Variants in GLI3 observed in about 807,000 individuals in gnomAD.
The protein encoded by GLI3 is GLI family zinc finger 3.
In GLI3, 20 loss-of-function variants were observed where a neutral mutation model predicts 100.8. The ratio of observed to expected loss-of-function variants is 0.20; its 90% CI spans 0.14 to 0.29. The LOEUF (loss-of-function observed/expected upper bound fraction) is 0.29. Among genes scored for constraint, GLI3 ranks in the 10% least tolerant of loss-of-function variants. The pLI is 1.00. For synonymous variants in GLI3, 938 were observed against 860.5 expected, an observed-to-expected ratio of 1.09 and a Z score of -1.58; for missense variants, 2,040 against 2,128.5, an observed-to-expected ratio of 0.96 and a Z score of 0.82.
At chr7:42,021,701 C>T (rs1788947763) in intron 10 of GLI3, among the ~76,000 whole-genome samples, 1 of 152,190 alleles carries the variant, frequency 6.6e-6, no homozygotes, top group South Asian at 2.1e-4. Context: ...TCCAACATTC[C>T]TTGCAAACTA....
chr7:41,998,999 T>C (rs936478872), intron 10 of GLI3, among the ~76,000 whole-genome samples: 1 of 152,158 alleles, frequency 6.6e-6, no homozygotes, highest in African/African-American at 2.4e-5. Flanking sequence ...GTGTCCAGGG[T>C]TTTCCACATT....
At chr7:42,079,335 A>G (rs1218510646) in intron 3 of GLI3, among the ~76,000 whole-genome samples, 1 of 152,204 alleles carries the variant, frequency 6.6e-6, no homozygotes, top group Non-Finnish European at 1.5e-5. Flanking sequence ...CAAAAAATTA[A>G]GTGGGGTCAT....
chr7:42,222,787 A>G (rs1345988456), intron 2 of GLI3: 3 of 312,250 alleles, frequency 9.6e-6, no homozygotes, highest in Non-Finnish European at 1.9e-5. Flanking sequence ...AATTATTCCG[A>G]GTAGTGTAGA....
intron 10 of GLI3, among the ~76,000 whole-genome samples, chr7:42,000,112 A>G (rs1788244721): frequency 6.6e-6 from 1 of 152,234 alleles, no homozygotes; most frequent in Non-Finnish European, 1.5e-5. Flanking sequence ...ACACACAGGA[A>G]GCACGGCGGG....
intron 3 of GLI3, among the ~76,000 whole-genome samples, chr7:42,112,997 A>G (rs1478431177): frequency 6.6e-6 from 1 of 152,130 alleles, no homozygotes; most frequent in African/African-American, 2.4e-5. Flanking sequence ...ACATGGTGAA[A>G]CCCTGTCTCT....
intron 3 of GLI3, chr7:42,118,103 G>A (rs979373965): frequency 2.6e-6 from 1 of 379,370 alleles, no homozygotes; most frequent in Non-Finnish European, 4.7e-6. Context: ...CTTTTTAATG[G>A]AGGCTCAAAA....
intron 10 of GLI3, among the ~76,000 whole-genome samples, chr7:42,022,989 A>G (rs190270417): frequency 1.8e-4 from 27 of 152,356 alleles, no homozygotes; most frequent in African/African-American, 5.3e-4. Flanking sequence ...CCAAGAAATT[A>G]TGCTACCTAG....
At position 42,015,779 on chromosome 7, in the gene GLI3, G is replaced by A. The variant is rs149742747; in HGVS notation, c.1497+7689C>T. ...CCCCCCCACACATAGGTATATTTAA[G>A]TAGCTTCTTACTAGAGACATTTTAA... On this transcript the variant is annotated intron_variant, in intron 10 of 14. Transcript: ENST00000395925. 7.3e-4 allele frequency among the ~76,000 whole-genome samples: 111 copies of A among 151,684 alleles called. 1 individual carries two copies. The highest frequency in any genetic ancestry group is 2.6e-3 in the African/African-American group (106 of 41,338).
At chr7:42,182,607 A>C (rs572537951) in intron 2 of GLI3, among the ~76,000 whole-genome samples, 3 of 138,658 alleles carry the variant, frequency 2.2e-5, no homozygotes, top group African/African-American at 8.9e-5. Context: ...CATAGTATTA[A>C]AAAAACACAT....
intron 1 of GLI3, among the ~76,000 whole-genome samples, chr7:42,262,654 C>T (rs1458239913): frequency 1.3e-5 from 2 of 152,120 alleles, no homozygotes; most frequent in Non-Finnish European, 2.9e-5. Flanking sequence ...CTTTATGGCT[C>T]TATAAATAAT....
chr7:42,091,762 A>T (rs899850005), intron 3 of GLI3, among the ~76,000 whole-genome samples: 3 of 152,228 alleles, frequency 2.0e-5, no homozygotes, highest in Non-Finnish European at 4.4e-5. Flanking sequence ...CGCTCGGCTC[A>T]GTTTATTATT....
intron 10 of GLI3, among the ~76,000 whole-genome samples, chr7:42,003,067 T>A (rs183868197): frequency 2.0e-5 from 3 of 152,328 alleles, no homozygotes; most frequent in East Asian, 3.9e-4. Context: ...CACTGATGTA[T>A]CTCCAGAATC....
intron 3 of GLI3, among the ~76,000 whole-genome samples, chr7:42,144,472 C>T (rs764572049): frequency 6.6e-6 from 1 of 152,128 alleles, no homozygotes; most frequent in African/African-American, 2.4e-5. Context: ...CGTATCCCCC[C>T]GGGAGATTTT....
intron 10 of GLI3, among the ~76,000 whole-genome samples, chr7:42,011,445 A>G (rs533108937): frequency 4.6e-5 from 7 of 152,378 alleles, no homozygotes; most frequent in Admixed American, 2.0e-4. Flanking sequence ...CAGGTGTTCA[A>G]GCATGAACTT....
chr7:42,190,021 G>A (rs1404520827), intron 2 of GLI3, among the ~76,000 whole-genome samples: 2 of 141,066 alleles, frequency 1.4e-5, no homozygotes, highest in African/African-American at 5.5e-5. Flanking sequence ...CACACACAGA[G>A]AACTATATTT....
intron 3 of GLI3, among the ~76,000 whole-genome samples, chr7:42,109,836 G>A (rs995084848): frequency 4.6e-5 from 7 of 152,098 alleles, no homozygotes; most frequent in Admixed American, 1.3e-4. Context: ...TATGAACGTC[G>A]GCTTTTCCAC....
Position 41,967,926 on chromosome 7 carries a change from G to A in GLI3, c.2104-3C>T. On this transcript the variant is annotated splice_polypyrimidine_tract_variant and splice_region_variant and intron_variant, in intron 13 of 14. Transcript: ENST00000395925. Reference sequence around the variant, plus strand: ...CCACCAGGGCTTGGCTGAGATGTCTGTTGGGGTCAAGTGGAAAGGAAAGAA... The same window carrying A: ...CCACCAGGGCTTGGCTGAGATGTCTATTGGGGTCAAGTGGAAAGGAAAGAA... The A allele has an allele frequency of 6.2e-7, 1 of 1,613,516 alleles. No individual in the cohort carries two copies. The highest frequency in any genetic ancestry group is 8.5e-7 in the Non-Finnish European group (1 of 1,179,404).
In GLI3 at chr7:41,964,838, G is replaced by C. The variant is rs1379996536; in HGVS notation, c.4235C>G (p.Thr1412Arg). ...ACCATTCACCCTGCAGGTCTGACTT[G>C]TGTCACTGAGCTGTCCTGACTGCAG... ...LALQSGQLSD[T>R]SQTCRVNGIK... Residue 1412 changes from threonine (T) to arginine (R), a missense_variant, in exon 15 of 15, where the codon ACA becomes AGA. Transcript: ENST00000395925. 2 of 1,613,932 alleles carry C rather than the reference G, an allele frequency of 1.2e-6. No homozygotes were observed. The highest frequency in any genetic ancestry group is 1.7e-6 in the Non-Finnish European group (2 of 1,180,018).
At chr7:42,046,136 T>C (rs1181157264) in intron 5 of GLI3, among the ~76,000 whole-genome samples, 1 of 152,216 alleles carries the variant, frequency 6.6e-6, no homozygotes, top group African/African-American at 2.4e-5. Context: ...CCTATCAATC[T>C]GGAGCAATTT....
Sources: gnomAD v4.1 joint callset for allele counts (sites outside exome capture counted in the v4.1 genomes callset) on GRCh38, gnomAD v4.1.1 for gene constraint, MANE v1.5 for transcripts, NCBI Gene and HGNC (gene_info 2026-07-23, HGNC 2026-07-21) for gene names.